The following STAT3 variants were observed in gnomAD, a reference collection of about 807,000 sequenced individuals.
STAT3 encodes the protein DNA-binding protein APRF.
Under a neutral mutation model 114.3 loss-of-function variants are expected in STAT3, and 7 were observed. That is an observed-to-expected ratio of 0.06 (90% CI 0.03 to 0.11). STAT3 has a LOEUF of 0.11. Among genes scored for constraint, STAT3 ranks in the 10% least tolerant of loss-of-function variants. STAT3 has a pLI of 1.00. For missense variants in STAT3, 364 were observed against 960.9 expected (o/e 0.38, Z 8.21); for synonymous variants, 331 against 354.5 (o/e 0.93, Z 0.74).
chr17:42,376,618 G>A (rs956550418), intron 1 of STAT3, among the ~76,000 whole-genome samples: 20 of 151,428 alleles, frequency 1.3e-4, no homozygotes, highest in Non-Finnish European at 2.8e-4. Context: ...AGGCCAAAGC[G>A]GGCGGATCAC....
At chr17:42,318,729 G>A (rs1322771532) in intron 21 of STAT3, among the ~76,000 whole-genome samples, 8 of 152,160 alleles carry the variant, frequency 5.3e-5, no homozygotes, top group Non-Finnish European at 1.2e-4. Flanking sequence ...CAGAACCTGA[G>A]GGATCAGAGA....
chr17:42,366,060 AT>A (rs1360952385), intron 1 of STAT3, among the ~76,000 whole-genome samples: 24 of 152,238 alleles, frequency 1.6e-4, no homozygotes, highest in Middle Eastern at 3.4e-3. Flanking sequence ...CAATTCTCAA[AT>A]TTATGTCTCT....
intron 2 of STAT3, 136 bp downstream of exon 2, chr17:42,348,253 T>G: frequency 7.6e-7 from 1 of 1,309,454 alleles, no homozygotes; most frequent in Non-Finnish European, 1.1e-6. Context: ...TGCCCCTTTA[T>G]CTCCTGATCT....
At chr17:42,319,541 CAAAAAAAAAAAAAA>C (rs552897255) in intron 21 of STAT3, among the ~76,000 whole-genome samples, 11 of 43,846 alleles carry the variant, frequency 2.5e-4, no homozygotes, top group African/African-American at 1.3e-3. Context: ...GACTCAGGCT[CAAAAAAAAAAAAAA>C]AAAAAAAAAA....
chr17:42,357,244 T>C (rs1184474639), intron 1 of STAT3, among the ~76,000 whole-genome samples: 2 of 152,138 alleles, frequency 1.3e-5, no homozygotes, highest in Non-Finnish European at 2.9e-5. Context: ...CTAAAAATAA[T>C]CTGAAGTATC....
intron 14 of STAT3, among the ~76,000 whole-genome samples, chr17:42,327,272 T>G (rs765504277): frequency 3.9e-5 from 6 of 152,004 alleles, no homozygotes; most frequent in Non-Finnish European, 7.4e-5. Flanking sequence ...CCTTTTTGTC[T>G]TGTTTTGTTT....
chr17:42,378,336 C>A (rs969372251), intron 1 of STAT3, among the ~76,000 whole-genome samples: 1 of 152,168 alleles, frequency 6.6e-6, no homozygotes, highest in Non-Finnish European at 1.5e-5. Context: ...ACCTCTGCCT[C>A]CCAGGTTCAA....
intron 6 of STAT3, 71 bp downstream of exon 6, chr17:42,338,660 C>T: frequency 6.9e-7 from 1 of 1,451,974 alleles, no homozygotes; most frequent in South Asian, 1.1e-5. Flanking sequence ...AGAGTTAAGA[C>T]AAATGAGTCT....
chr17:42,384,108 T>TTTTA (rs1309515120), intron 1 of STAT3, among the ~76,000 whole-genome samples: 5 of 146,242 alleles, frequency 3.4e-5, no homozygotes, highest in South Asian at 2.1e-4. Flanking sequence ...GGCTCCAAAG[T>TTTTA]TTTATTTATT....
chr17:42,330,732 A>G (rs1424727970), intron 11 of STAT3, among the ~76,000 whole-genome samples: 1 of 151,862 alleles, frequency 6.6e-6, no homozygotes, highest in African/African-American at 2.4e-5. Context: ...CCCGGCCCAC[A>G]TTTTCTCTTT....
chr17:42,380,238 T>C (rs899713606), intron 1 of STAT3, among the ~76,000 whole-genome samples: 1 of 151,602 alleles, frequency 6.6e-6, no homozygotes, highest in Non-Finnish European at 1.5e-5. Flanking sequence ...GGTCTCACTA[T>C]GTTGGGCAGG....
intron 20 of STAT3, among the ~76,000 whole-genome samples, chr17:42,322,724 G>A (rs2081532527): frequency 6.6e-6 from 1 of 152,232 alleles, no homozygotes; most frequent in Non-Finnish European, 1.5e-5. Context: ...ATAACTACTT[G>A]CGTAAGATAT....
chr17:42,314,092 G>A lies in STAT3; in HGVS notation c.*1653C>T, dbSNP rs1360763037. ...GAGAGGCGAGCTAGCCAGCCAAGGCGGGCAGGCGGGGAGGCCCTCTAGCTG... is the reference window on the plus strand; with the variant it reads ...GAGAGGCGAGCTAGCCAGCCAAGGCAGGCAGGCGGGGAGGCCCTCTAGCTG... On this transcript the variant is annotated 3_prime_UTR_variant, in exon 24 of 24. Transcript: ENST00000264657. The A allele has an allele frequency of 1.3e-5, 3 of 232,210 alleles. No homozygotes were observed. The highest frequency in any genetic ancestry group is 6.1e-5 in the East Asian group (1 of 16,520). The allele number at this position is 232,210 out of a possible 1,614,324, so 14.4% of individuals were successfully genotyped here. A position where few individuals can be genotyped will look rare whatever the true frequency, so the allele number is the denominator to read the frequency against.
intron 1 of STAT3, among the ~76,000 whole-genome samples, chr17:42,368,712 A>G: frequency 6.7e-6 from 1 of 148,988 alleles, no homozygotes; most frequent in East Asian, 1.9e-4. Context: ...TGCCTGCCTC[A>G]GCCTCCCAAT....
At chr17:42,344,420 CAA>C (rs35455295) in intron 4 of STAT3, among the ~76,000 whole-genome samples, 13 of 121,812 alleles carry the variant, frequency 1.1e-4, no homozygotes, top group Admixed American at 1.8e-4. Context: ...GACTCTGTCT[CAA>C]AAAAAAAAAA....
At chr17:42,366,953 C>A (rs1329583200) in intron 1 of STAT3, among the ~76,000 whole-genome samples, 1 of 152,030 alleles carries the variant, frequency 6.6e-6, no homozygotes, top group African/African-American at 2.4e-5. Context: ...CCAGCCTGGC[C>A]AACAAGGTGA....
At position 42,329,303 on chromosome 17, in the gene STAT3, T is replaced by G. The variant is rs986647069; in HGVS notation, c.1281+107A>C. The G allele has an allele frequency of 8.5e-6, 13 of 1,534,268 alleles. No individual in the cohort carries two copies. The South Asian group carries it at 1.5e-4, about 17-fold the overall frequency. On this transcript the variant is annotated intron_variant, in intron 14 of 23. Coordinates refer to ENST00000264657, the MANE Select transcript of STAT3 (RefSeq NM_139276.3). ...AGTGACTTTTTGGAATAACTACAGC[T>G]GAAAGAACAGGTTGATGTTTCTAAT...
chr17:42,322,692 G>A (rs1567707701), intron 20 of STAT3, among the ~76,000 whole-genome samples, 198 bp from the exon 21 acceptor site: 1 of 152,210 alleles, frequency 6.6e-6, no homozygotes. Context: ...TACTAGTTGG[G>A]TCATAGAAAA....
At position 42,315,650 on chromosome 17, in the gene STAT3, A is replaced by C. The variant is rs1045446234; in HGVS notation, c.*95T>G. ...AAAAATCTGGAACCACAAAGTTAGT[A>C]GTTTCAGATGATCTGGGGTTTGGCT... is the stretch of plus-strand genomic sequence containing the variant. On this transcript the variant is annotated 3_prime_UTR_variant, in exon 24 of 24. Coordinates refer to ENST00000264657, the MANE Select transcript of STAT3 (RefSeq NM_139276.3). 1 of 1,271,102 alleles carries C rather than the reference A, an allele frequency of 7.9e-7. No individual in the cohort carries two copies. The highest frequency in any genetic ancestry group is 1.5e-5 in the African/African-American group (1 of 68,122). 78.7% of individuals were successfully genotyped at this position (1,271,102 alleles called of 1,614,324 possible).
Sources: gnomAD v4.1 joint callset for allele counts (sites outside exome capture counted in the v4.1 genomes callset) on GRCh38, gnomAD v4.1.1 for gene constraint, MANE v1.5 for transcripts, NCBI Gene and HGNC (gene_info 2026-07-23, HGNC 2026-07-21) for gene names.